GRIN2B: variants seen among roughly 807,000 people sequenced by gnomAD.
The protein encoded by GRIN2B is glutamate ionotropic receptor NMDA type subunit 2B.
A neutral mutation model predicts 114.5 loss-of-function variants in GRIN2B; 5 were observed. The ratio of observed to expected loss-of-function variants is 0.04; its 90% CI spans 0.02 to 0.09. GRIN2B has a LOEUF of 0.09. GRIN2B is among the 10% of genes least tolerant of loss of function. GRIN2B has a pLI of 1.00. For missense variants in GRIN2B, 1,108 were observed against 1,943.5 expected (o/e 0.57, Z 8.08); for synonymous variants, 787 against 745.1 (o/e 1.06, Z -0.92).
At chr12:13,881,598 G>A (rs1057392610) in intron 2 of GRIN2B, among the ~76,000 whole-genome samples, 1 of 152,094 alleles carries the variant, frequency 6.6e-6, no homozygotes, top group Admixed American at 6.5e-5. Context: ...CAAGCTCTTC[G>A]CATGCCCTTG....
At chr12:13,767,173 T>C (rs574420749) in intron 3 of GRIN2B, among the ~76,000 whole-genome samples, 284 of 145,776 alleles carry the variant, frequency 1.9e-3, no homozygotes, top group African/African-American at 6.9e-3. Context: ...GGCAGGAGAA[T>C]GGCGTGAGGC....
chr12:13,692,699 G>A (rs1043675343), intron 4 of GRIN2B, among the ~76,000 whole-genome samples: 6 of 150,324 alleles, frequency 4.0e-5, no homozygotes, highest in Middle Eastern at 3.2e-3. Context: ...CTGGTTACCC[G>A]AGACCCTGAA....
intron 10 of GRIN2B, among the ~76,000 whole-genome samples, chr12:13,577,353 G>A (rs899155755): frequency 1.5e-4 from 23 of 152,196 alleles, no homozygotes; most frequent in African/African-American, 4.8e-4. Context: ...TCAGAATTCA[G>A]CCCTCTGAGC....
At chr12:13,971,885 C>G (rs1335897907) in intron 2 of GRIN2B, among the ~76,000 whole-genome samples, 1 of 152,162 alleles carries the variant, frequency 6.6e-6, no homozygotes, top group Non-Finnish European at 1.5e-5. Flanking sequence ...ATTCAAACCC[C>G]AGTTCCACCC....
chr12:13,763,365 C>T (rs999096411), intron 3 of GRIN2B, among the ~76,000 whole-genome samples: 9 of 152,226 alleles, frequency 5.9e-5, no homozygotes, highest in South Asian at 2.1e-4. Flanking sequence ...CCTGTCTTTT[C>T]GTGTGCCTCC....
At chr12:13,841,802 A>T (rs1336386313) in intron 3 of GRIN2B, among the ~76,000 whole-genome samples, 3 of 152,234 alleles carry the variant, frequency 2.0e-5, no homozygotes, top group African/African-American at 7.2e-5. Context: ...TATTCAATTT[A>T]AAGGACTGTT....
intron 2 of GRIN2B, among the ~76,000 whole-genome samples, chr12:13,961,860 C>T (rs1240210204): frequency 6.6e-6 from 1 of 152,038 alleles, no homozygotes; most frequent in Non-Finnish European, 1.5e-5. Context: ...CAGCACGGCT[C>T]AGGCACATAT....
At position 13,573,172 on chromosome 12, in the gene GRIN2B, T is replaced by A. The variant is rs1043232154; in HGVS notation, c.2011-1208A>T. Among the ~76,000 whole-genome samples, 2 of 149,154 alleles carry A rather than the reference T, an allele frequency of 1.3e-5. 1 individual carries two copies. Among genetic ancestry groups the A allele is most frequent in the African/African-American group, 5.0e-5 (2 of 39,984 alleles). On this transcript the variant is annotated intron_variant, in intron 10 of 13. Coordinates refer to ENST00000609686, the MANE Select transcript of GRIN2B (RefSeq NM_000834.5). ...ATAATGCATAAGAAGTGCTTGGCGG[T>A]CGGGCACGGTGGCTCACGCCTGTAA...
chr12:13,552,168 T>G lies in GRIN2B; in HGVS notation c.*10615A>C, dbSNP rs989196800. On this transcript the variant is annotated 3_prime_UTR_variant, in exon 14 of 14. Coordinates refer to ENST00000609686, the MANE Select transcript of GRIN2B (RefSeq NM_000834.5). ...CTAAATTCTGTGGGTAAGGGTGGTGTGATAAGTCACTCCCTCTGCCCAGGG... is the reference window on the plus strand; with the variant it reads ...CTAAATTCTGTGGGTAAGGGTGGTGGGATAAGTCACTCCCTCTGCCCAGGG... 4 of 152,076 alleles carry G rather than the reference T, an allele frequency of 2.6e-5. No individual in the cohort carries two copies. Among genetic ancestry groups the G allele is most frequent in the Admixed American group, 6.5e-5 (1 of 15,272 alleles). 9.4% of individuals were successfully genotyped at this position (152,076 alleles called of 1,614,324 possible).
intron 12 of GRIN2B, among the ~76,000 whole-genome samples, chr12:13,569,480 G>A (rs892413573): frequency 6.6e-6 from 1 of 152,174 alleles, no homozygotes; most frequent in Non-Finnish European, 1.5e-5. Context: ...GCTTCTACAA[G>A]ATAAGGAATG....
chr12:13,683,196 T>C (rs1223210901), intron 4 of GRIN2B, among the ~76,000 whole-genome samples: 1 of 151,826 alleles, frequency 6.6e-6, no homozygotes, highest in Non-Finnish European at 1.5e-5. Context: ...TTCAAATGAA[T>C]GAAAAAAATC....
At chr12:13,866,359 C>A (rs940251929) in intron 2 of GRIN2B, 133 bp from the exon 3 acceptor site, 1 of 755,664 alleles carries the variant, frequency 1.3e-6, no homozygotes, top group South Asian at 1.5e-5. Flanking sequence ...ATCTACCAGC[C>A]TACTCTCTTA....
chr12:13,842,068 A>G (rs184905876), intron 3 of GRIN2B, among the ~76,000 whole-genome samples: 2 of 152,212 alleles, frequency 1.3e-5, no homozygotes, highest in Admixed American at 1.3e-4. Context: ...CCCCACCAAG[A>G]CTGGTTCCCT....
chr12:13,827,229 C>CTTTTTTTTTTTTTTTTTTTTT (rs57007962), intron 3 of GRIN2B, among the ~76,000 whole-genome samples: 1 of 98,654 alleles, frequency 1.0e-5, no homozygotes, highest in Non-Finnish European at 2.0e-5. Context: ...TTGTTGTTTT[C>CTTTTTTTTTTTTTTTTTTTTT]TTTTTTTTTT....
rs1300489279 is a variant in GRIN2B at position 13,546,223 on chromosome 12, C to T, written c.*16560G>A. The T allele has an allele frequency of 6.6e-6, 1 of 152,234 alleles. No individual in the cohort carries two copies. The highest frequency in any genetic ancestry group is 1.5e-5 in the Non-Finnish European group (1 of 68,054). The allele number at this position is 152,234 out of a possible 1,614,324, so 9.4% of individuals were successfully genotyped here. ...CAATGTAATCACAATGCACACAAGG[C>T]TCTTCCACTCAGAATCTTCTTGACT... On this transcript the variant is annotated 3_prime_UTR_variant, in exon 14 of 14. Transcript: ENST00000609686.
intron 10 of GRIN2B, among the ~76,000 whole-genome samples, 165 bp from the exon 11 acceptor site, chr12:13,572,129 GA>G (rs1201284763): frequency 6.6e-6 from 1 of 152,204 alleles, no homozygotes; most frequent in East Asian, 1.9e-4. Context: ...CCTCACTCAA[GA>G]GCAGCAATTG....
At chr12:13,771,566 A>G (rs79940175) in intron 3 of GRIN2B, among the ~76,000 whole-genome samples, 133 of 152,338 alleles carry the variant, frequency 8.7e-4, no homozygotes, top group African/African-American at 3.0e-3. Context: ...AAGGTTATTT[A>G]CCATATCCAA....
At chr12:13,871,163 C>T (rs760524153) in intron 2 of GRIN2B, among the ~76,000 whole-genome samples, 3 of 151,850 alleles carry the variant, frequency 2.0e-5, no homozygotes, top group Non-Finnish European at 4.4e-5. Context: ...TTTTTTAAAG[C>T]ATGAGTTATA....
At chr12:13,573,691 C>T (rs1191216144) in intron 10 of GRIN2B, among the ~76,000 whole-genome samples, 4 of 152,202 alleles carry the variant, frequency 2.6e-5, no homozygotes, top group Non-Finnish European at 1.5e-5. Flanking sequence ...TTTGGAGAAA[C>T]ATTTGAAAAT....
Sources: allele counts gnomAD v4.1 joint callset (sites outside exome capture counted in the v4.1 genomes callset), GRCh38; gene constraint gnomAD v4.1.1; transcripts MANE v1.5; gene names NCBI Gene and HGNC (gene_info 2026-07-23, HGNC 2026-07-21).